The following SLC4A10 variants were observed in gnomAD, a reference collection of about 807,000 sequenced individuals.
SLC4A10 encodes the protein sodium-driven chloride bicarbonate exchanger.
A neutral mutation model predicts 137.7 loss-of-function variants in SLC4A10; 42 were observed. That is an observed-to-expected ratio of 0.30 (90% CI 0.24 to 0.39). SLC4A10 has a LOEUF of 0.39. Ranked by LOEUF, SLC4A10 falls within the 10% of genes least tolerant of loss-of-function variation. The pLI, the probability that SLC4A10 is intolerant of heterozygous loss-of-function variation, is 1.00. For missense variants in SLC4A10, 925 were observed against 1,355.0 expected, an observed-to-expected ratio of 0.68 and a Z score of 4.98; for synonymous variants, 474 against 464.1, an observed-to-expected ratio of 1.02 and a Z score of -0.27.
chr2:161,715,539 CT>C (rs1333977588), intron 1 of SLC4A10, among the ~76,000 whole-genome samples: 1 of 151,990 alleles, frequency 6.6e-6, no homozygotes, highest in Non-Finnish European at 1.5e-5. Context: ...TGTTTTTCCC[CT>C]GCCTGTGTCC....
chr2:161,852,422 T>C, intron 4 of SLC4A10, among the ~76,000 whole-genome samples: 1 of 150,484 alleles, frequency 6.6e-6, no homozygotes, highest in Non-Finnish European at 1.5e-5. Context: ...TTAATAAAAG[T>C]TGTATCCACT....
At chr2:161,671,529 T>C (rs2039719136) in intron 1 of SLC4A10, among the ~76,000 whole-genome samples, 2 of 152,078 alleles carry the variant, frequency 1.3e-5, no homozygotes, top group African/African-American at 2.4e-5. Flanking sequence ...TGGGGACTAT[T>C]AGAAGGGAAG....
At chr2:161,980,858 A>G (rs964189722) in intron 26 of SLC4A10, among the ~76,000 whole-genome samples, 2 of 152,192 alleles carry the variant, frequency 1.3e-5, no homozygotes, top group African/African-American at 4.8e-5. Flanking sequence ...TATGCAACAT[A>G]TGTTTATTAC....
intron 17 of SLC4A10, 64 bp from the exon 18 acceptor site, chr2:161,949,084 T>C (rs1694339425): frequency 9.8e-7 from 1 of 1,020,666 alleles, no homozygotes; most frequent in Non-Finnish European, 1.5e-6. Flanking sequence ...CTCTAGATTA[T>C]GTTCCTGAGT....
At chr2:161,828,461 G>A (rs2058174148) in intron 3 of SLC4A10, among the ~76,000 whole-genome samples, 1 of 150,590 alleles carries the variant, frequency 6.6e-6, no homozygotes, top group Non-Finnish European at 1.5e-5. Context: ...AATTATTAAA[G>A]ATATAATCCT....
chr2:161,953,745 A>G (rs1197277827), intron 19 of SLC4A10, among the ~76,000 whole-genome samples: 1 of 152,224 alleles, frequency 6.6e-6, no homozygotes, highest in Non-Finnish European at 1.5e-5. Flanking sequence ...ATTGCATCCT[A>G]TGATCCTTTG....
rs563956204 is a variant in SLC4A10 at position 161,740,118 on chromosome 2, C to T, written c.49-30855C>T. 3.3e-5 allele frequency among the ~76,000 whole-genome samples: 5 copies of T among 152,286 alleles called. No homozygotes were observed. In the South Asian group the frequency reaches 1.0e-3, roughly 32 times the overall value. ...TACTGCTAGAAAACAGCGTGCAGTT[C>T]AGCCCACTGAGCTGATTTGTTTTTA... On this transcript the variant is annotated intron_variant, in intron 1 of 26. Coordinates refer to ENST00000446997, the MANE Select transcript of SLC4A10 (RefSeq NM_001178015.2).
At chr2:161,657,788 CA>C (rs1372150992) in intron 1 of SLC4A10, among the ~76,000 whole-genome samples, 2 of 151,600 alleles carry the variant, frequency 1.3e-5, no homozygotes, top group Non-Finnish European at 2.9e-5. Context: ...GACCAATATG[CA>C]ATTAAAATAA....
intron 1 of SLC4A10, among the ~76,000 whole-genome samples, chr2:161,687,040 C>A (rs1220488503): frequency 2.0e-5 from 3 of 152,008 alleles, no homozygotes; most frequent in African/African-American, 4.8e-5. Context: ...CGCCACCATG[C>A]CCAGCAAATT....
At chr2:161,884,785 A>G (rs1464948734) in intron 10 of SLC4A10, among the ~76,000 whole-genome samples, 7 of 152,374 alleles carry the variant, frequency 4.6e-5, no homozygotes, top group African/African-American at 1.4e-4. Context: ...AATATCAAAG[A>G]ATGTTTAAAT....
At chr2:161,733,779 G>T (rs978488830) in intron 1 of SLC4A10, among the ~76,000 whole-genome samples, 8 of 152,202 alleles carry the variant, frequency 5.3e-5, no homozygotes, top group Admixed American at 1.3e-4. Flanking sequence ...CAGCCAGGAG[G>T]GAGGCTGTAC....
intron 19 of SLC4A10, among the ~76,000 whole-genome samples, chr2:161,956,427 C>T (rs1009842798): frequency 2.0e-5 from 3 of 152,120 alleles, no homozygotes; most frequent in Admixed American, 2.0e-4. Context: ...TAGGCCATCC[C>T]TTTGGCTGCT....
intron 24 of SLC4A10, among the ~76,000 whole-genome samples, chr2:161,975,509 G>A (rs1699245987): frequency 6.6e-6 from 1 of 152,148 alleles, no homozygotes; most frequent in South Asian, 2.1e-4. Flanking sequence ...CATGAAAAAT[G>A]TCTATTCCAC....
At position 161,900,926 on chromosome 2, in the gene SLC4A10, C is replaced by A. The variant is rs1276917826; in HGVS notation, c.1357C>A (p.Pro453Thr). 2 of 1,550,842 alleles carry A rather than the reference C, an allele frequency of 1.3e-6. No individual in the cohort carries two copies. Among genetic ancestry groups the A allele is most frequent in the Non-Finnish European group, 1.7e-6 (2 of 1,148,248 alleles). ...NVPSQEKRKI[P>T]AVPNGTAAHG... ...CTCTCCACAGGAGAAGAGGAAGATT[C>A]CTGCTGTACCAAATGGAACAGCAGC... The change falls in exon 12 of 27, where the codon CCT (proline) becomes ACT (threonine). Residue 453 changes from proline (P) to threonine (T), a missense_variant. Physicochemically the swap from Pro to Thr is conservative, Grantham distance 38. This residue lies in a region of SLC4A10 where 61 missense variants were observed against 59.0 expected (regional missense o/e 1.03). Transcript: ENST00000446997.
intron 12 of SLC4A10, among the ~76,000 whole-genome samples, chr2:161,901,460 A>G (rs1251911396): frequency 6.6e-6 from 1 of 152,008 alleles, no homozygotes; most frequent in East Asian, 1.9e-4. Flanking sequence ...TATATGATTT[A>G]TTTTTCTAAT....
chr2:161,925,113 A>G (rs971537623), intron 15 of SLC4A10, among the ~76,000 whole-genome samples: 1 of 152,308 alleles, frequency 6.6e-6, no homozygotes, highest in African/African-American at 2.4e-5. Flanking sequence ...TGATAGAAAC[A>G]GCACCAAGTC....
At chr2:161,964,920 A>T (rs1009065954) in intron 22 of SLC4A10, 131 bp from the exon 23 acceptor site, 4 of 671,824 alleles carry the variant, frequency 6.0e-6, no homozygotes, top group Non-Finnish European at 9.2e-6. Context: ...TGTTTTATAC[A>T]TATATATCTT....
At chr2:161,766,235 T>C (rs1019553804) in intron 1 of SLC4A10, among the ~76,000 whole-genome samples, 15 of 152,124 alleles carry the variant, frequency 9.9e-5, no homozygotes, top group Admixed American at 8.5e-4. Flanking sequence ...AATTAAATAA[T>C]CAACTATTTC....
intron 15 of SLC4A10, among the ~76,000 whole-genome samples, chr2:161,934,425 C>A (rs1184225126): frequency 6.6e-6 from 1 of 152,078 alleles, no homozygotes; most frequent in African/African-American, 2.4e-5. Flanking sequence ...CAAAGTCTGT[C>A]TTTCAGTGCC....
Sources: allele counts gnomAD v4.1 joint callset (sites outside exome capture counted in the v4.1 genomes callset), GRCh38; gene constraint gnomAD v4.1.1; regional missense constraint gnomAD v4.1.1; transcripts MANE v1.5; gene names NCBI Gene and HGNC (gene_info 2026-07-23, HGNC 2026-07-21).